Variants in TTC23L observed in about 807,000 individuals in gnomAD.
TTC23L encodes the protein tetratricopeptide repeat domain 23 like, also known as tetratricopeptide repeat protein 23-like.
Under a neutral mutation model 48.1 loss-of-function variants are expected in TTC23L, and 42 were observed. The ratio of observed to expected loss-of-function variants is 0.87; its 90% confidence interval spans 0.68 to 1.13. The LOEUF (loss-of-function observed/expected upper bound fraction) is 1.13, where lower values mean the gene tolerates loss of function less well. Ranked by LOEUF, TTC23L falls within the 50% of genes most tolerant of loss-of-function variation. TTC23L has a pLI of 0.00. For missense variants in TTC23L, 391 were observed against 421.0 expected (o/e 0.93, Z 0.62); for synonymous variants, 159 against 157.2 (o/e 1.01, Z -0.09).
At chr5:34,885,745 TA>T (rs11464664) in intron 9 of TTC23L, among the ~76,000 whole-genome samples, 1 of 147,662 alleles carries the variant, frequency 6.8e-6, no homozygotes, top group African/African-American at 2.5e-5. Flanking sequence ...AGGCCCTGTC[TA>T]AAAAAAAAAG....
chr5:34,890,441 C>CA (rs57798773), intron 9 of TTC23L, among the ~76,000 whole-genome samples: 16,082 of 55,522 alleles, frequency 0.29, 2,256 homozygotes, highest in Middle Eastern at 0.34. Flanking sequence ...GACCCTGTCT[C>CA]AAAAAAAAAA....
chr5:34,910,738 G>A, the TTC23L span, among the ~76,000 whole-genome samples: 2 of 152,142 alleles, frequency 1.3e-5, no homozygotes, highest in Non-Finnish European at 2.9e-5. Flanking sequence ...AGCCGGGCCT[G>A]TAATTCTTCT....
At chr5:34,884,056 C>T (rs1762402754) in intron 9 of TTC23L, among the ~76,000 whole-genome samples, 2 of 152,114 alleles carry the variant, frequency 1.3e-5, no homozygotes, top group Admixed American at 1.3e-4. Flanking sequence ...AGTCATGCAC[C>T]ATCACCAAGT....
chr5:34,889,314 T>G (rs147471771), intron 9 of TTC23L, among the ~76,000 whole-genome samples: 187 of 151,856 alleles, frequency 1.2e-3, no homozygotes, highest in African/African-American at 4.3e-3. Context: ...TCTTGGAGAT[T>G]TGGACTCAAA....
chr5:34,870,768 G>T (rs1427431776), intron 8 of TTC23L, among the ~76,000 whole-genome samples: 2 of 152,084 alleles, frequency 1.3e-5, no homozygotes, highest in African/African-American at 4.8e-5. Context: ...GGGTGGTATG[G>T]TCACAGACCT....
chr5:34,846,600 T>TATATATATATATATATATATATATAGAC (rs61009546), intron 3 of TTC23L, among the ~76,000 whole-genome samples: 1 of 92,912 alleles, frequency 1.1e-5, no homozygotes, highest in African/African-American at 5.2e-5. Flanking sequence ...TATATATATA[T>TATATATATATATATATATATATATAGAC]ACACACACAT....
chr5:34,861,718 A>C (rs1335458148), intron 4 of TTC23L, among the ~76,000 whole-genome samples: 1 of 152,218 alleles, frequency 6.6e-6, no homozygotes, highest in Non-Finnish European at 1.5e-5. Context: ...ACTAGGCTTC[A>C]GGAGCCAAAG....
downstream of TTC23L, among the ~76,000 whole-genome samples, chr5:34,900,090 T>C (rs1763464049): frequency 6.6e-6 from 1 of 152,224 alleles, no homozygotes; most frequent in Non-Finnish European, 1.5e-5. Flanking sequence ...AGGAGTTTAT[T>C]GGTGAACACT....
chr5:34,892,674 G>T (rs1762944524), intron 9 of TTC23L, among the ~76,000 whole-genome samples: 1 of 152,184 alleles, frequency 6.6e-6, no homozygotes, highest in Admixed American at 6.5e-5. Flanking sequence ...ATGGGTTGCA[G>T]GTTCTTCGAA....
At chr5:34,897,163 T>C (rs758127030) in intron 10 of TTC23L, among the ~76,000 whole-genome samples, 7 of 152,126 alleles carry the variant, frequency 4.6e-5, no homozygotes, top group African/African-American at 7.2e-5. Context: ...GGCAGGTGGA[T>C]TGTCTGAGCT....
At chr5:34,859,538 C>T (rs1449358556) in intron 4 of TTC23L, among the ~76,000 whole-genome samples, 1 of 151,090 alleles carries the variant, frequency 6.6e-6, no homozygotes, top group Non-Finnish European at 1.5e-5. Flanking sequence ...GCTATGAGGG[C>T]CCCTCCCTCA....
At position 34,846,575 on chromosome 5, in the gene TTC23L, AAATATAT is replaced by A. The variant is rs1321292327; in HGVS notation, c.255+904_255+910del. ...AGACTCTGTCTCAAAAAAAAAAAAA[AAATATAT>A]ATATATATATATATATATACACACA... On this transcript the variant is annotated intron_variant, in intron 3 of 10. Coordinates refer to ENST00000505624, the Ensembl canonical transcript of TTC23L. Among the ~76,000 whole-genome samples, 3 of 113,390 alleles carry A rather than the reference AAATATAT, an allele frequency of 2.6e-5. 1 individual carries two copies. The highest frequency in any genetic ancestry group is 1.3e-4 in the African/African-American group (3 of 23,802). The allele number at this position is 113,390 out of a possible 152,430, so 74.4% of individuals were successfully genotyped here. A position where few individuals can be genotyped will look rare whatever the true frequency, so the allele number is the denominator to read the frequency against.
chr5:34,873,859 G>A (rs1263273423), intron 8 of TTC23L, among the ~76,000 whole-genome samples: 1 of 152,110 alleles, frequency 6.6e-6, no homozygotes, highest in Non-Finnish European at 1.5e-5. Context: ...CAGGATGGGC[G>A]ACGTATAGGC....
At chr5:34,893,958 C>A (rs924961780) in intron 9 of TTC23L, among the ~76,000 whole-genome samples, 11 of 152,222 alleles carry the variant, frequency 7.2e-5, no homozygotes, top group Admixed American at 2.6e-4. Flanking sequence ...ACATAAAATG[C>A]CATTTTTAAC....
the TTC23L span, chr5:34,916,651 A>G: frequency 6.6e-6 from 1 of 152,242 alleles, no homozygotes; most frequent in South Asian, 2.1e-4. Context: ...AGCTAGACAG[A>G]ATACTGTGAA....
At chr5:34,880,645 CTTTTT>C in intron 9 of TTC23L, 2 of 367,076 alleles carry the variant, frequency 5.4e-6, no homozygotes, top group Admixed American at 7.2e-5. Context: ...CTCTGACAAA[CTTTTT>C]TTTTTTTTTT....
chr5:34,896,363 G>C (rs763097685), intron 9 of TTC23L, among the ~76,000 whole-genome samples: 2 of 152,170 alleles, frequency 1.3e-5, no homozygotes, highest in Non-Finnish European at 2.9e-5. Context: ...GGGTACGGGT[G>C]GGGGAACAGC....
chr5:34,876,176 C>T (rs780028206), intron 8 of TTC23L, among the ~76,000 whole-genome samples: 3 of 151,800 alleles, frequency 2.0e-5, no homozygotes, highest in Non-Finnish European at 4.4e-5. Flanking sequence ...GAAAAGAGAT[C>T]TAAAATCAGT....
chr5:34,869,214 A>C, intron 8 of TTC23L: 1 of 495,142 alleles, frequency 2.0e-6, no homozygotes, highest in Non-Finnish European at 3.7e-6. Flanking sequence ...TCAGTAACAA[A>C]TAAATCATCT....
Sources: allele counts gnomAD v4.1 joint callset (sites outside exome capture counted in the v4.1 genomes callset), GRCh38; gene constraint gnomAD v4.1.1; transcripts MANE v1.5; gene names NCBI Gene and HGNC (gene_info 2026-07-23, HGNC 2026-07-21).